Variants in AHCY observed in about 807,000 individuals in gnomAD.
AHCY encodes the protein S-adenosyl-L-homocysteine hydrolase.
Under a neutral mutation model 45.4 loss-of-function variants are expected in AHCY, and 24 were observed. That is an observed-to-expected ratio of 0.53 (90% CI 0.38 to 0.74). The LOEUF is 0.74. Ranked by LOEUF, AHCY falls within the 30% of genes least tolerant of loss-of-function variation. The probability of loss-of-function intolerance (pLI) is 0.00; values close to 1 mark genes in which losing one functional copy is unlikely to be tolerated. For synonymous variants in AHCY, 245 were observed against 235.1 expected, an observed-to-expected ratio of 1.04 and a Z score of -0.39; for missense variants, 449 against 594.1, an observed-to-expected ratio of 0.76 and a Z score of 2.54.
At chr20:34,248,750 T>C in the AHCY span, among the ~76,000 whole-genome samples, 3 of 151,792 alleles carry the variant, frequency 2.0e-5, no homozygotes, top group South Asian at 6.3e-4. Flanking sequence ...CAGTGAGCTA[T>C]GGTCTTGCCA....
the AHCY span, among the ~76,000 whole-genome samples, chr20:34,238,696 A>G: frequency 6.6e-6 from 1 of 151,572 alleles, no homozygotes; most frequent in East Asian, 1.9e-4. Flanking sequence ...AATGTGCCAT[A>G]TTTTTTCTTT....
At chr20:34,271,069 G>A in the AHCY span, among the ~76,000 whole-genome samples, 1 of 152,048 alleles carries the variant, frequency 6.6e-6, no homozygotes, top group Admixed American at 6.6e-5. Flanking sequence ...CAACTCCCAG[G>A]CTCAAGCTAT....
intron 1 of AHCY, among the ~76,000 whole-genome samples, chr20:34,296,022 A>G (rs1360746478): frequency 6.6e-6 from 1 of 152,100 alleles, no homozygotes; most frequent in Non-Finnish European, 1.5e-5. Flanking sequence ...ACTTATAAAT[A>G]CTATCTAACA....
Position 34,290,189 on chromosome 20 carries a change from G to T in AHCY, c.972+143C>A. 1.2e-6 allele frequency: 1 copy of T among 843,662 alleles called. No individual in the cohort carries two copies. The highest frequency in any genetic ancestry group is 2.0e-6 in the Non-Finnish European group (1 of 493,956). 52.3% of individuals were successfully genotyped at this position (843,662 alleles called of 1,614,324 possible). A position where few individuals can be genotyped will look rare whatever the true frequency, so the allele number is the denominator to read the frequency against. Reference sequence around the variant, plus strand: ...GCTGCCCACAGGATAAGGTTGCCACGTCTGGCTGGCTCTGATGCTAGGCCC... The same window carrying T: ...GCTGCCCACAGGATAAGGTTGCCACTTCTGGCTGGCTCTGATGCTAGGCCC... On this transcript the variant is annotated intron_variant, in intron 8 of 9. Transcript: ENST00000217426. This position sits in a 1 kb window ranked among gnomAD's most constrained non-coding sequence, Gnocchi z 4.5.
chr20:34,277,819 G>A (rs2035922210), downstream of AHCY, among the ~76,000 whole-genome samples: 2 of 150,284 alleles, frequency 1.3e-5, no homozygotes, highest in South Asian at 4.2e-4. Context: ...TATCATTCGA[G>A]CGTCAAGACA....
chr20:34,303,058 G>A (rs1240450279), intron 1 of AHCY, 185 bp downstream of exon 1: 1 of 985,320 alleles, frequency 1.0e-6, no homozygotes, highest in Non-Finnish European at 1.2e-6. Context: ...ACGGCCACCC[G>A]GAACGGCCCG....
chr20:34,243,746 T>C, the AHCY span, among the ~76,000 whole-genome samples: 2 of 146,328 alleles, frequency 1.4e-5, no homozygotes, highest in African/African-American at 2.7e-5. Context: ...TACATTTTTC[T>C]AATATTGTAT....
chr20:34,284,945 G>A (rs923812607), intron 9 of AHCY, among the ~76,000 whole-genome samples: 1 of 152,194 alleles, frequency 6.6e-6, no homozygotes, highest in Non-Finnish European at 1.5e-5. Flanking sequence ...ACGGACCTGG[G>A]TTCCTAGGTG....
chr20:34,306,092 A>G (rs1285677953), upstream of AHCY, among the ~76,000 whole-genome samples: 1 of 144,920 alleles, frequency 6.9e-6, no homozygotes, highest in Non-Finnish European at 1.5e-5. Flanking sequence ...AAAAAAAAAA[A>G]AAAAAAGAAA....
the AHCY span, among the ~76,000 whole-genome samples, chr20:34,239,153 C>T: frequency 1.3e-5 from 2 of 152,136 alleles, no homozygotes; most frequent in East Asian, 3.9e-4. Context: ...CCACTTAGTT[C>T]CACTCCCATC....
At chr20:34,302,688 C>T in intron 1 of AHCY, 1 of 987,198 alleles carries the variant, frequency 1.0e-6, no homozygotes, top group Non-Finnish European at 1.2e-6. Flanking sequence ...AAGGCTGCCC[C>T]TGCTGGAGGG....
intron 1 of AHCY, among the ~76,000 whole-genome samples, chr20:34,298,539 T>C (rs1254152607): frequency 1.3e-4 from 18 of 141,178 alleles, no homozygotes; most frequent in Admixed American, 2.4e-4. Flanking sequence ...CGGATCGTGG[T>C]CCAGCGGTAG....
intron 1 of AHCY, chr20:34,302,089 C>T (rs1359961902): frequency 3.0e-6 from 2 of 663,052 alleles, no homozygotes; most frequent in Non-Finnish European, 3.7e-6. Context: ...CAACCTCCGT[C>T]TCCCCGGCTC....
upstream of AHCY, among the ~76,000 whole-genome samples, chr20:34,305,219 A>G (rs1287459961): frequency 1.3e-5 from 2 of 151,340 alleles, no homozygotes; most frequent in East Asian, 2.0e-4. Context: ...AGCTACTCGC[A>G]AGGCTGAGGC....
chr20:34,262,717 T>C, the AHCY span: 2 of 1,164,316 alleles, frequency 1.7e-6, no homozygotes, highest in African/African-American at 1.5e-5. Flanking sequence ...TCCAGCACGC[T>C]TCTTCTCCTC....
At chr20:34,302,826 G>T (rs1309015900) in intron 1 of AHCY, 93 of 985,322 alleles carry the variant, frequency 9.4e-5, no homozygotes, top group Non-Finnish European at 1.1e-4. Context: ...CGTCCCTGTA[G>T]GAGGCCCAGA....
rs117699943 is a variant in AHCY, at chr20:34,292,879, C to T, written c.296-372G>A. 4.6e-5 allele frequency among the ~76,000 whole-genome samples: 7 copies of T among 152,208 alleles called. No homozygotes were observed. The East Asian group carries it at 1.4e-3, about 29-fold the overall frequency. Reference sequence around the variant, plus strand: ...CCTTTCCCATCCCCTTCTGCCTGGGCGCCAAGGACTGAGGCATCAACCCTG... The same window carrying T: ...CCTTTCCCATCCCCTTCTGCCTGGGTGCCAAGGACTGAGGCATCAACCCTG... On this transcript the variant is annotated intron_variant, in intron 3 of 9. Coordinates refer to ENST00000217426, the MANE Select transcript of AHCY (RefSeq NM_000687.4).
downstream of AHCY, among the ~76,000 whole-genome samples, chr20:34,276,577 G>A (rs565596280): frequency 3.4e-4 from 52 of 152,170 alleles, 3 homozygotes; most frequent in South Asian, 8.5e-3. Flanking sequence ...GAAGTTGTCA[G>A]GAAAAGCCCA....
At chr20:34,256,917 AAC>A in the AHCY span, among the ~76,000 whole-genome samples, 7 of 152,122 alleles carry the variant, frequency 4.6e-5, no homozygotes, top group Non-Finnish European at 7.4e-5. Context: ...AGTAGCTGGG[AAC>A]ACAGTCTTGT....
Sources: allele counts gnomAD v4.1 joint callset (sites outside exome capture counted in the v4.1 genomes callset), GRCh38; gene constraint gnomAD v4.1.1; non-coding constraint Gnocchi (gnomAD v3.1); transcripts MANE v1.5; gene names NCBI Gene and HGNC (gene_info 2026-07-23, HGNC 2026-07-21).